MACROD2: variants seen among roughly 807,000 people sequenced by gnomAD.
MACROD2 encodes mono-ADP ribosylhydrolase 2, also known as ADP-ribose glycohydrolase MACROD2.
In MACROD2, 36 loss-of-function variants were observed where a neutral mutation model predicts 70.4. The observed-to-expected ratio is 0.51, with a 90% CI of 0.39 to 0.68. MACROD2 has a LOEUF of 0.68. MACROD2 is among the 30% of genes least tolerant of loss of function. The pLI, the probability that MACROD2 is intolerant of heterozygous loss-of-function variation, is 0.00. For missense variants in MACROD2, 496 were observed against 538.4 expected (o/e 0.92, Z 0.78); for synonymous variants, 172 against 178.8 (o/e 0.96, Z 0.30).
chr20:15,409,537 C>T (rs1003625), intron 6 of MACROD2, among the ~76,000 whole-genome samples: 1 of 152,126 alleles, frequency 6.6e-6, no homozygotes, highest in African/African-American at 2.4e-5. Flanking sequence ...TATGAGCATA[C>T]TTACCTCATT....
rs112239172 is a variant in MACROD2 at position 14,931,834 on chromosome 20, T to TAAA, written c.418+246885_418+246887dup. ...GCAACATAACAAGACCCCCATCTCT[T>TAAA]AAAAAAAAAAAATTAGCTGGGTGTG... is the stretch of plus-strand genomic sequence containing the variant. On this transcript the variant is annotated intron_variant, in intron 5 of 17. Coordinates refer to ENST00000684519, the MANE Select transcript of MACROD2 (RefSeq NM_001351661.2). Among the ~76,000 whole-genome samples, 250 of 146,766 alleles carry TAAA rather than the reference T, an allele frequency of 1.7e-3. 2 individuals carry two copies. Among genetic ancestry groups the TAAA allele is most frequent in the Middle Eastern group, 3.6e-3 (1 of 280 alleles).
chr20:14,806,369 C>G (rs1568806353), intron 5 of MACROD2, among the ~76,000 whole-genome samples: 1 of 152,074 alleles, frequency 6.6e-6, no homozygotes, highest in Non-Finnish European at 1.5e-5. Flanking sequence ...ACTCTCTCCT[C>G]TAGCCAAGGG....
intron 10 of MACROD2, among the ~76,000 whole-genome samples, chr20:15,912,670 A>G (rs551242862): frequency 1.8e-4 from 28 of 152,342 alleles, no homozygotes; most frequent in African/African-American, 6.3e-4. Flanking sequence ...AAAACATCAC[A>G]TTTCTCATTT....
At chr20:15,496,710 C>A in intron 7 of MACROD2, among the ~76,000 whole-genome samples, 1 of 152,154 alleles carries the variant, frequency 6.6e-6, no homozygotes, top group African/African-American at 2.4e-5. Context: ...TAAGAGAAGA[C>A]TGAGAAATAA....
At chr20:14,862,229 A>T (rs1349551896) in intron 5 of MACROD2, among the ~76,000 whole-genome samples, 1 of 44,524 alleles carries the variant, frequency 2.2e-5, no homozygotes, top group African/African-American at 8.6e-5. Context: ...ATAAATATAT[A>T]TAAATATATA....
chr20:15,619,997 T>G (rs2049102009), intron 8 of MACROD2, among the ~76,000 whole-genome samples: 1 of 152,082 alleles, frequency 6.6e-6, no homozygotes, highest in Non-Finnish European at 1.5e-5. Context: ...CGAATCTTCA[T>G]TCCAGATAGC....
intron 4 of MACROD2, among the ~76,000 whole-genome samples, chr20:14,498,819 C>A (rs1031795104): frequency 6.6e-6 from 1 of 152,222 alleles, no homozygotes; most frequent in African/African-American, 2.4e-5. Context: ...AGCGCCCTCT[C>A]ACCTCCCTCC....
At chr20:15,428,682 T>C (rs2046329448) in intron 6 of MACROD2, among the ~76,000 whole-genome samples, 1 of 152,210 alleles carries the variant, frequency 6.6e-6, no homozygotes, top group Non-Finnish European at 1.5e-5. Context: ...ATTTAGTATA[T>C]GTGTTTAACT....
At chr20:15,893,941 G>C (rs2064929075) in intron 10 of MACROD2, 1 of 456,624 alleles carries the variant, frequency 2.2e-6, no homozygotes, top group Non-Finnish European at 4.4e-6. Context: ...TCAGTCTGCA[G>C]TGCAGTCTGG....
chr20:15,454,408 C>CACAA (rs1329282257), intron 7 of MACROD2, among the ~76,000 whole-genome samples: 709 of 8,008 alleles, frequency 0.089, 10 homozygotes, highest in African/African-American at 0.11. Flanking sequence ...CATATTCAAA[C>CACAA]ACACACACAC....
intron 4 of MACROD2, among the ~76,000 whole-genome samples, chr20:14,631,629 G>C (rs1283358354): frequency 6.6e-6 from 1 of 152,082 alleles, no homozygotes; most frequent in Non-Finnish European, 1.5e-5. Flanking sequence ...AAAAAAATTA[G>C]CCAGGCATGG....
At chr20:14,738,273 A>G (rs1386480063) in intron 5 of MACROD2, among the ~76,000 whole-genome samples, 1 of 152,128 alleles carries the variant, frequency 6.6e-6, no homozygotes, top group Non-Finnish European at 1.5e-5. Flanking sequence ...AAAGATGTCT[A>G]AAGTCTGAAT....
chr20:15,597,751 C>A (rs1458089486), intron 8 of MACROD2, among the ~76,000 whole-genome samples: 3 of 152,130 alleles, frequency 2.0e-5, no homozygotes, highest in South Asian at 2.1e-4. Flanking sequence ...TCTTTTTAAC[C>A]CAGAAGGCAG....
At chr20:16,048,834 T>A (rs1218710422) in intron 17 of MACROD2, among the ~76,000 whole-genome samples, 1 of 152,150 alleles carries the variant, frequency 6.6e-6, no homozygotes, top group Non-Finnish European at 1.5e-5. Flanking sequence ...AAAACCTATA[T>A]TCACAAAAGC....
intron 3 of MACROD2, among the ~76,000 whole-genome samples, chr20:14,302,438 T>A (rs2082482815): frequency 6.6e-6 from 1 of 152,198 alleles, no homozygotes; most frequent in Non-Finnish European, 1.5e-5. Flanking sequence ...TCATTGGAAG[T>A]CATTCTTAGA....
chr20:14,791,424 C>CT (rs1286672193), intron 5 of MACROD2, among the ~76,000 whole-genome samples: 1 of 152,078 alleles, frequency 6.6e-6, no homozygotes, highest in East Asian at 1.9e-4. Context: ...GTTGAGAACA[C>CT]TAACACCCAG....
chr20:15,454,450 CACA>C lies in MACROD2; in HGVS notation c.571+23016_571+23018del, dbSNP rs1568820097. Among the ~76,000 whole-genome samples the C allele has an allele frequency of 2.5e-4, 34 of 134,500 alleles. 1 individual carries two copies. Among genetic ancestry groups the C allele is most frequent in the African/African-American group, 6.1e-4 (23 of 37,542 alleles). 88.2% of individuals were successfully genotyped at this position (134,500 alleles called of 152,430 possible). On this transcript the variant is annotated intron_variant, in intron 7 of 17. Transcript: ENST00000684519. ...ACACACACACACACACACACACACA[CACA>C]CCCTTATTATACAACTTAGTTTCCG... is the stretch of plus-strand genomic sequence containing the variant.
At chr20:15,600,501 C>A (rs1421386645) in intron 8 of MACROD2, among the ~76,000 whole-genome samples, 1 of 152,198 alleles carries the variant, frequency 6.6e-6, no homozygotes, top group Admixed American at 6.5e-5. Context: ...CCCGCCCTCC[C>A]CTTCTTCTTT....
chr20:14,972,845 A>G (rs1487715000), intron 5 of MACROD2, among the ~76,000 whole-genome samples: 1 of 152,164 alleles, frequency 6.6e-6, no homozygotes, highest in Non-Finnish European at 1.5e-5. Context: ...GGAAGACATC[A>G]CCAATGGTTG....
Sources: allele counts gnomAD v4.1 joint callset (sites outside exome capture counted in the v4.1 genomes callset), GRCh38; gene constraint gnomAD v4.1.1; transcripts MANE v1.5; gene names NCBI Gene and HGNC (gene_info 2026-07-23, HGNC 2026-07-21).